Variants in SHANK2 observed in about 807,000 individuals in gnomAD.
SHANK2 encodes the protein SH3 and multiple ankyrin repeat domains protein 2.
Under a neutral mutation model 133.7 loss-of-function variants are expected in SHANK2, and 43 were observed. The observed-to-expected ratio is 0.32, with a 90% CI of 0.25 to 0.41. The LOEUF is 0.41. Among genes scored for constraint, SHANK2 ranks in the 10% least tolerant of loss-of-function variants. The pLI, the probability that SHANK2 is intolerant of heterozygous loss-of-function variation, is 1.00. For synonymous variants in SHANK2, 1,017 were observed against 952.8 expected (o/e 1.07, Z -1.24); for missense variants, 1,994 against 2,235.8 (o/e 0.89, Z 2.18).
At chr11:70,627,750 T>C (rs1240144207) in intron 17 of SHANK2, among the ~76,000 whole-genome samples, 1 of 152,196 alleles carries the variant, frequency 6.6e-6, no homozygotes, top group East Asian at 1.9e-4. Flanking sequence ...TTAAAGAATT[T>C]TGTGCATGAA....
rs563941083 is a variant in SHANK2 at position 70,783,805 on chromosome 11, A to G, written c.1777+14638T>C. ...TGCTTGTTACGCGCCACACAGAAAAATTAAAAATAAAAGCATCACACAGGC... is the reference window on the plus strand; with the variant it reads ...TGCTTGTTACGCGCCACACAGAAAAGTTAAAAATAAAAGCATCACACAGGC... On this transcript the variant is annotated intron_variant, in intron 14 of 25. Transcript: ENST00000601538. Among the ~76,000 whole-genome samples, 55 of 152,296 alleles carry G rather than the reference A, an allele frequency of 3.6e-4. 2 individuals carry two copies. Among genetic ancestry groups the G allele is most frequent in the African/African-American group, 1.3e-3 (53 of 41,566 alleles).
At position 71,147,035 on chromosome 11, in the gene SHANK2, G is replaced by A. The variant is rs1419876122; in HGVS notation, c.207+85C>T. The A allele has an allele frequency of 6.6e-5, 79 of 1,190,226 alleles. 1 individual carries two copies. Among genetic ancestry groups the A allele is most frequent in the Admixed American group, 5.9e-4 (27 of 45,672 alleles). The allele number at this position is 1,190,226 out of a possible 1,614,324, so 73.7% of individuals were successfully genotyped here. On this transcript the variant is annotated intron_variant, in intron 3 of 25. Coordinates refer to ENST00000601538, the MANE Select transcript of SHANK2 (RefSeq NM_012309.5). ...CCAGAGCAGTCAGGACCGTGGGTCC[G>A]GGGAGGACCAGAGCAGGCCTCTGGC...
chr11:70,937,096 A>G (rs1373689805), intron 10 of SHANK2, among the ~76,000 whole-genome samples: 2 of 152,158 alleles, frequency 1.3e-5, no homozygotes, highest in African/African-American at 4.8e-5. Flanking sequence ...CTCTGCGTGG[A>G]GTCAGAACAT....
rs530843919 is a variant in SHANK2, at chr11:70,714,497, G to A, written c.1778-15734C>T. ...TATCAGATGTGGAAATCGAGGCACCGGAAGGTTAAATGGTATTCCTCTATA... is the reference window on the plus strand; with the variant it reads ...TATCAGATGTGGAAATCGAGGCACCAGAAGGTTAAATGGTATTCCTCTATA... On this transcript the variant is annotated intron_variant, in intron 14 of 25. Coordinates refer to ENST00000601538, the MANE Select transcript of SHANK2 (RefSeq NM_012309.5). Among the ~76,000 whole-genome samples, 3 of 152,336 alleles carry A rather than the reference G, an allele frequency of 2.0e-5. No individual in the cohort carries two copies. The East Asian group carries it at 5.8e-4, about 29-fold the overall frequency.
At chr11:71,163,839 G>A (rs1237210699) in intron 2 of SHANK2, among the ~76,000 whole-genome samples, 1 of 152,218 alleles carries the variant, frequency 6.6e-6, no homozygotes, top group Non-Finnish European at 1.5e-5. Flanking sequence ...GCTGGAGGAA[G>A]ACAGAAGGAA....
chr11:70,867,349 G>A (rs906569497), intron 11 of SHANK2, among the ~76,000 whole-genome samples: 37 of 152,224 alleles, frequency 2.4e-4, no homozygotes, highest in African/African-American at 5.8e-4. Flanking sequence ...GGCTCCACAC[G>A]GGCAGCAGGG....
At chr11:71,060,813 G>C (rs1950978228) in intron 9 of SHANK2, among the ~76,000 whole-genome samples, 1 of 152,250 alleles carries the variant, frequency 6.6e-6, no homozygotes, top group Non-Finnish European at 1.5e-5. Flanking sequence ...GTGTGAGTCT[G>C]CAAGAGCATG....
intron 11 of SHANK2, among the ~76,000 whole-genome samples, chr11:70,840,060 G>T (rs1227233378): frequency 4.6e-5 from 7 of 152,220 alleles, no homozygotes; most frequent in African/African-American, 1.7e-4. Flanking sequence ...GGCAGAGGGC[G>T]TGGGGCCCAC....
At chr11:70,829,785 G>A (rs577646728) in intron 11 of SHANK2, among the ~76,000 whole-genome samples, 157 of 152,320 alleles carry the variant, frequency 1.0e-3, no homozygotes, top group African/African-American at 3.7e-3. Flanking sequence ...GATCAGGAGC[G>A]GTGGTGGCTC....
chr11:70,882,877 GAAAC>G lies in SHANK2; in HGVS notation c.1174+13620_1174+13623del, dbSNP rs1555072683. ...TGCAGGAGTGAGGGGAGGTCCTGAGGAAACAGCTGCAGGTGAACAGCAAACTGCA... is the reference window on the plus strand; with the variant it reads ...TGCAGGAGTGAGGGGAGGTCCTGAGGAGCTGCAGGTGAACAGCAAACTGCA... On this transcript the variant is annotated intron_variant, in intron 11 of 25. Coordinates refer to ENST00000601538, the MANE Select transcript of SHANK2 (RefSeq NM_012309.5). This position sits in a 1 kb window ranked among gnomAD's most constrained non-coding sequence, Gnocchi z 4.2. Among the ~76,000 whole-genome samples the G allele has an allele frequency of 6.6e-6, 1 of 152,178 alleles. No individual in the cohort carries two copies. Among genetic ancestry groups the G allele is most frequent in the Non-Finnish European group, 1.5e-5 (1 of 68,030 alleles).
In SHANK2 at chr11:70,798,506, T is replaced by G; in HGVS notation, c.1714A>C (p.Ile572Leu). The G allele has an allele frequency of 1.4e-6, 1 of 718,550 alleles. No homozygotes were observed. Among genetic ancestry groups the G allele is most frequent in the Non-Finnish European group, 2.6e-6 (1 of 385,074 alleles). The allele number at this position is 718,550 out of a possible 1,614,324, so 44.5% of individuals were successfully genotyped here. ...ACGCACTCCGCCGGAAACCATCCGA[T>G]GTGGCCGCGGGCGCTGCCTTCCCAG... is the stretch of plus-strand genomic sequence containing the variant. The part of the protein sequence containing the change: ...GFWEGSARGH[I>L]GWFPAECVEE... Residue 572 changes from isoleucine to leucine, a missense_variant, in exon 14 of 26, where the codon ATC (isoleucine) becomes CTC (leucine). Transcript: ENST00000601538.
chr11:70,948,748 T>A (rs920592248), intron 10 of SHANK2, among the ~76,000 whole-genome samples: 9 of 152,232 alleles, frequency 5.9e-5, no homozygotes, highest in Non-Finnish European at 1.3e-4. Flanking sequence ...CCCTGCCGAA[T>A]GTCCACATGC....
At chr11:71,154,120 G>A (rs1952854536) in intron 2 of SHANK2, among the ~76,000 whole-genome samples, 3 of 152,174 alleles carry the variant, frequency 2.0e-5, no homozygotes. Context: ...GAGATTTTGT[G>A]ACTACACATT....
rs1438446468 is a variant in SHANK2 at position 70,739,030 on chromosome 11, G to A, written c.1778-40267C>T. On this transcript the variant is annotated intron_variant, in intron 14 of 25. Coordinates refer to ENST00000601538, the MANE Select transcript of SHANK2 (RefSeq NM_012309.5). This position sits in a 1 kb window ranked among gnomAD's most constrained non-coding sequence, Gnocchi z 4.3. ...GACACCCCTCTGGATTCAGTGAGTA[G>A]GGCTGGTGAGTTTCTCCAGCCAAGA... Among the ~76,000 whole-genome samples the A allele has an allele frequency of 2.0e-5, 3 of 152,218 alleles. No homozygotes were observed. Among genetic ancestry groups the A allele is most frequent in the Non-Finnish European group, 4.4e-5 (3 of 68,042 alleles).
chr11:71,139,035 G>A (rs184783870), intron 3 of SHANK2, among the ~76,000 whole-genome samples: 88 of 152,254 alleles, frequency 5.8e-4, no homozygotes, highest in Admixed American at 1.4e-3. Context: ...CTTTGAGGGG[G>A]TCAGGTTGGC....
rs75833724 is a variant in SHANK2, at chr11:70,518,898, T to A, written c.2062-15967A>T. Among the ~76,000 whole-genome samples the A allele has an allele frequency of 5.9e-3, 906 of 152,274 alleles. 11 individuals are homozygous for A. Among genetic ancestry groups the A allele is most frequent in the African/African-American group, 0.02 (832 of 41,542 alleles). On this transcript the variant is annotated intron_variant, in intron 17 of 25. Transcript: ENST00000601538. ...CTTCTGTTGCTCCTTCTCCACTTAC[T>A]AGTTGGAATAATTTTTATTTTAACT...
rs2058705275 is a variant in SHANK2, at chr11:70,479,508, G to A, written c.4979+5806C>T. On this transcript the variant is annotated intron_variant, in intron 25 of 25. Transcript: ENST00000601538. The surrounding 1 kb of genome is among the most constrained non-coding windows in gnomAD (Gnocchi z 4.4). ...CCCTCAGGGGCCTCTGGGACCTGGA[G>A]TTTCACAGGACAAATCTCCCTGAAG... is the stretch of plus-strand genomic sequence containing the variant. 2.6e-5 allele frequency among the ~76,000 whole-genome samples: 4 copies of A among 152,236 alleles called. No individual in the cohort carries two copies. Among genetic ancestry groups the A allele is most frequent in the Admixed American group, 2.0e-4 (3 of 15,286 alleles).
At chr11:70,843,346 G>A (rs1555062286) in intron 11 of SHANK2, among the ~76,000 whole-genome samples, 5 of 151,784 alleles carry the variant, frequency 3.3e-5, no homozygotes, top group Non-Finnish European at 7.4e-5. Context: ...GGTGGGCTTG[G>A]TGGGCCCCAG....
chr11:71,149,645 G>T (rs1952725237), intron 2 of SHANK2, among the ~76,000 whole-genome samples: 1 of 151,570 alleles, frequency 6.6e-6, no homozygotes, highest in Non-Finnish European at 1.5e-5. Context: ...CTCTGCAGGG[G>T]GAGGGATTAG....
Sources: gnomAD v4.1 joint callset for allele counts (sites outside exome capture counted in the v4.1 genomes callset) on GRCh38, gnomAD v4.1.1 for gene constraint, Gnocchi (gnomAD v3.1) non-coding constraint, MANE v1.5 for transcripts, NCBI Gene and HGNC (gene_info 2026-07-23, HGNC 2026-07-21) for gene names.